MAN1A2: variants seen among roughly 807,000 people sequenced by gnomAD.
MAN1A2 encodes mannosyl-oligosaccharide 1,2-alpha-mannosidase IB.
In MAN1A2, 26 loss-of-function variants were observed where a neutral mutation model predicts 75.7. That is an observed-to-expected ratio of 0.34 (90% CI 0.25 to 0.48). The LOEUF is 0.48. Among genes scored for constraint, MAN1A2 ranks in the 20% least tolerant of loss-of-function variants. The pLI, the probability that MAN1A2 is intolerant of heterozygous loss-of-function variation, is 0.99. For missense variants in MAN1A2, 562 were observed against 775.5 expected, an observed-to-expected ratio of 0.72 and a Z score of 3.27; for synonymous variants, 247 against 264.6, an observed-to-expected ratio of 0.93 and a Z score of 0.65.
intron 1 of MAN1A2, among the ~76,000 whole-genome samples, chr1:117,387,502 T>G (rs1025530024): frequency 9.2e-5 from 14 of 152,208 alleles, no homozygotes; most frequent in African/African-American, 3.4e-4. Context: ...CATTTCTATC[T>G]TACATGAGTG....
intron 12 of MAN1A2, among the ~76,000 whole-genome samples, chr1:117,521,972 G>A (rs547838228): frequency 7.9e-5 from 12 of 151,894 alleles, no homozygotes; most frequent in Non-Finnish European, 1.8e-4. Flanking sequence ...ATATGTGGGA[G>A]CTAAGCTATG....
At chr1:117,414,251 A>T (rs925506658) in intron 3 of MAN1A2, among the ~76,000 whole-genome samples, 4 of 150,760 alleles carry the variant, frequency 2.7e-5, no homozygotes, top group Non-Finnish European at 5.9e-5. Context: ...TTTTAAATAT[A>T]TTTTTTGTCC....
chr1:117,495,892 C>T (rs899330696), intron 9 of MAN1A2, among the ~76,000 whole-genome samples: 3 of 151,894 alleles, frequency 2.0e-5, no homozygotes, highest in Non-Finnish European at 4.4e-5. Context: ...ACCTCTCATT[C>T]CCCAACATCA....
Position 117,383,203 on chromosome 1 carries a change from C to T in MAN1A2, c.302+14718C>T, listed in dbSNP as rs538505198. Among the ~76,000 whole-genome samples the T allele has an allele frequency of 3.3e-3, 503 of 152,168 alleles. 2 individuals carry two copies. The highest frequency in any genetic ancestry group is 3.6e-3 in the Non-Finnish European group (248 of 67,970). ...TGCCCTTTATCATGTTGAGGAAATT[C>T]TCTTCTATTTTTAGTATGAGCATAA... On this transcript the variant is annotated intron_variant, in intron 1 of 12. Transcript: ENST00000356554.
chr1:117,444,023 C>T (rs1258641786), intron 6 of MAN1A2, among the ~76,000 whole-genome samples: 1 of 151,602 alleles, frequency 6.6e-6, no homozygotes, highest in African/African-American at 2.4e-5. Context: ...TCATATTTAT[C>T]TTCTACAATA....
intron 5 of MAN1A2, among the ~76,000 whole-genome samples, chr1:117,427,932 G>A (rs542736033): frequency 1.3e-5 from 2 of 152,186 alleles, no homozygotes; most frequent in East Asian, 1.9e-4. Flanking sequence ...GGAGGAAATG[G>A]AACTACAAGA....
chr1:117,411,376 T>A lies in MAN1A2; in HGVS notation c.656-3337T>A, dbSNP rs79090146. On this transcript the variant is annotated intron_variant, in intron 3 of 12. Transcript: ENST00000356554. Reference sequence around the variant, plus strand: ...AAGTGGTGCTGGGTCAACTGTATATTTGTATGGGAAAAGAATGAGCTTTGC... The same window carrying A: ...AAGTGGTGCTGGGTCAACTGTATATATGTATGGGAAAAGAATGAGCTTTGC... Among the ~76,000 whole-genome samples, 284 of 151,834 alleles carry A rather than the reference T, an allele frequency of 1.9e-3. 5 individuals are homozygous for A. The East Asian group carries it at 0.05, about 27-fold the overall frequency.
chr1:117,465,628 TCAAA>T (rs976418437), intron 7 of MAN1A2, among the ~76,000 whole-genome samples: 2 of 152,112 alleles, frequency 1.3e-5, no homozygotes, highest in African/African-American at 4.8e-5. Context: ...GACAATATTC[TCAAA>T]CAAATAAGAG....
chr1:117,387,089 T>A (rs749032355), intron 1 of MAN1A2, among the ~76,000 whole-genome samples: 5 of 151,984 alleles, frequency 3.3e-5, no homozygotes, highest in Non-Finnish European at 7.4e-5. Context: ...GAAAAGATAT[T>A]TTTCCAAAGA....
intron 6 of MAN1A2, among the ~76,000 whole-genome samples, chr1:117,448,963 G>T (rs1234302491): frequency 6.6e-6 from 1 of 151,932 alleles, no homozygotes; most frequent in Non-Finnish European, 1.5e-5. Context: ...ATCACATTTT[G>T]ATAATTGTCA....
chr1:117,392,221 G>A (rs557986267), intron 1 of MAN1A2, among the ~76,000 whole-genome samples: 41 of 152,090 alleles, frequency 2.7e-4, no homozygotes, highest in Non-Finnish European at 5.4e-4. Context: ...TAATGATTGA[G>A]CTTTTGTCTT....
chr1:117,517,088 T>C (rs1048925134), intron 12 of MAN1A2, among the ~76,000 whole-genome samples: 7 of 152,070 alleles, frequency 4.6e-5, no homozygotes, highest in African/African-American at 1.7e-4. Flanking sequence ...CTCAGGAAGG[T>C]CCTGCCTCAA....
At chr1:117,502,994 AT>A in intron 12 of MAN1A2, 24 bp downstream of exon 12, 1 of 1,259,316 alleles carries the variant, frequency 7.9e-7, no homozygotes, top group Non-Finnish European at 1.1e-6. Context: ...TTTAAAAAAT[AT>A]TTTTATACTA....
chr1:117,486,754 G>A (rs1650716152), intron 8 of MAN1A2, among the ~76,000 whole-genome samples: 1 of 151,922 alleles, frequency 6.6e-6, no homozygotes, highest in Admixed American at 6.6e-5. Context: ...CAATTAATGA[G>A]CGTTTCAGAG....
At chr1:117,492,694 A>G (rs1650920367) in intron 8 of MAN1A2, among the ~76,000 whole-genome samples, 1 of 152,064 alleles carries the variant, frequency 6.6e-6, no homozygotes, top group African/African-American at 2.4e-5. Flanking sequence ...TTAATTTATT[A>G]TCTTTGGCTT....
intron 1 of MAN1A2, among the ~76,000 whole-genome samples, chr1:117,395,451 T>C (rs1390416410): frequency 6.6e-6 from 1 of 152,232 alleles, no homozygotes; most frequent in East Asian, 1.9e-4. Context: ...GTTGGTATGA[T>C]AATTAAATAA....
At position 117,492,316 on chromosome 1, in the gene MAN1A2, T is replaced by C. The variant is rs1466691716; in HGVS notation, c.1169-831T>C. Reference sequence around the variant, plus strand: ...ACCACCCTGATCAGTCAGCAACCATTATCATCAAGGCAAGACCCTCCACCA... The same window carrying C: ...ACCACCCTGATCAGTCAGCAACCATCATCATCAAGGCAAGACCCTCCACCA... On this transcript the variant is annotated intron_variant, in intron 8 of 12. Coordinates refer to ENST00000356554, the MANE Select transcript of MAN1A2 (RefSeq NM_006699.5). Among the ~76,000 whole-genome samples, 11 of 152,162 alleles carry C rather than the reference T, an allele frequency of 7.2e-5. No individual in the cohort carries two copies. The East Asian group carries it at 1.4e-3, about 19-fold the overall frequency.
chr1:117,417,890 G>C (rs952046814), intron 4 of MAN1A2, among the ~76,000 whole-genome samples: 2 of 151,580 alleles, frequency 1.3e-5, no homozygotes, highest in East Asian at 3.9e-4. Flanking sequence ...GCCCAGCTTG[G>C]GCAACATAGT....
Position 117,514,765 on chromosome 1 carries a change from GA to G in MAN1A2, c.1794-8054del, listed in dbSNP as rs574519806. 2.4e-3 allele frequency: 1,221 copies of G among 517,680 alleles called. 12 individuals carry two copies. The highest frequency in any genetic ancestry group is 0.022 in the African/African-American group (1,122 of 51,492). 32.1% of individuals were successfully genotyped at this position (517,680 alleles called of 1,614,324 possible). ...GTGGGTGAGGATTCTCAGATGAGGG[GA>G]AAAAACGGTTAGAGAAGACTGAAAA... On this transcript the variant is annotated intron_variant, in intron 12 of 12. Coordinates refer to ENST00000356554, the MANE Select transcript of MAN1A2 (RefSeq NM_006699.5).
Sources: allele counts gnomAD v4.1 joint callset (sites outside exome capture counted in the v4.1 genomes callset), GRCh38; gene constraint gnomAD v4.1.1; transcripts MANE v1.5; gene names NCBI Gene and HGNC (gene_info 2026-07-23, HGNC 2026-07-21).